THSD4: variants seen among roughly 807,000 people sequenced by gnomAD.
The protein encoded by THSD4 is thrombospondin type-1 domain-containing protein 4.
In THSD4, 69 loss-of-function variants were observed where a neutral mutation model predicts 119.0. That is an observed-to-expected ratio of 0.58 (90% CI 0.48 to 0.71). The LOEUF (loss-of-function observed/expected upper bound fraction) is 0.71, where lower values mean the gene tolerates loss of function less well. THSD4 is among the 30% of genes least tolerant of loss of function. The pLI is 0.00. For missense variants in THSD4, 1,393 were observed against 1,391.1 expected, an observed-to-expected ratio of 1.00 and a Z score of -0.02; for synonymous variants, 524 against 540.4, an observed-to-expected ratio of 0.97 and a Z score of 0.42.
At chr15:71,693,653 T>G (rs1457575916) in intron 8 of THSD4, among the ~76,000 whole-genome samples, 1 of 152,078 alleles carries the variant, frequency 6.6e-6, no homozygotes, top group African/African-American at 2.4e-5. Context: ...GAATTGTAGC[T>G]CCCATAATTC....
chr15:71,679,868 G>A (rs2051738237), intron 8 of THSD4, among the ~76,000 whole-genome samples: 1 of 152,222 alleles, frequency 6.6e-6, no homozygotes, highest in African/African-American at 2.4e-5. Flanking sequence ...GGCAGGGGAA[G>A]TGACTAATAA....
intron 7 of THSD4, among the ~76,000 whole-genome samples, chr15:71,424,918 A>C (rs1412947303): frequency 2.0e-5 from 3 of 152,174 alleles, no homozygotes; most frequent in African/African-American, 7.2e-5. Context: ...GGAAAAAAGA[A>C]ACCAAAACTA....
chr15:71,590,979 C>G (rs1595762806), intron 7 of THSD4, among the ~76,000 whole-genome samples: 2 of 115,330 alleles, frequency 1.7e-5, no homozygotes, highest in East Asian at 5.1e-4. Flanking sequence ...GCATTCCAGC[C>G]TGGGCGACAG....
At chr15:71,198,178 G>A (rs1383576241) in intron 3 of THSD4, among the ~76,000 whole-genome samples, 2 of 152,324 alleles carry the variant, frequency 1.3e-5, no homozygotes, top group Admixed American at 1.3e-4. Flanking sequence ...GGAGGATTGC[G>A]TGAGCCCAGG....
chr15:71,364,096 G>A lies in THSD4; in HGVS notation c.1016-47591G>A, dbSNP rs1026919120. ...CCTGTGGGAATACAAGGTGAAAAGA[G>A]ACGCCTTCACCAGAAGTAACCTAGT... On this transcript the variant is annotated intron_variant, in intron 6 of 17. Coordinates refer to ENST00000261862, the MANE Select transcript of THSD4 (RefSeq NM_024817.3). Among the ~76,000 whole-genome samples the A allele has an allele frequency of 2.0e-5, 3 of 152,344 alleles. No individual in the cohort carries two copies. The South Asian group carries it at 6.2e-4, about 32-fold the overall frequency.
intron 7 of THSD4, among the ~76,000 whole-genome samples, chr15:71,651,989 G>C (rs1020966727): frequency 6.6e-5 from 10 of 152,222 alleles, no homozygotes; most frequent in African/African-American, 2.2e-4. Flanking sequence ...GGTCCCGTGA[G>C]AGCCTTCTGG....
intron 7 of THSD4, among the ~76,000 whole-genome samples, chr15:71,579,705 C>G (rs1350406875): frequency 6.6e-6 from 1 of 152,064 alleles, no homozygotes; most frequent in Non-Finnish European, 1.5e-5. Flanking sequence ...GGTTTTATTT[C>G]CCATTTATAG....
At chr15:71,157,468 A>G (rs1306796445) in intron 3 of THSD4, among the ~76,000 whole-genome samples, 2 of 152,052 alleles carry the variant, frequency 1.3e-5, no homozygotes, top group African/African-American at 2.4e-5. Context: ...AGAACATTCA[A>G]AAGCCTCTCT....
chr15:71,334,758 GT>G (rs1204570611), intron 6 of THSD4, among the ~76,000 whole-genome samples: 1 of 152,208 alleles, frequency 6.6e-6, no homozygotes, highest in African/African-American at 2.4e-5. Flanking sequence ...AGCCTGATAT[GT>G]TTGTTGCAGG....
At chr15:71,536,628 C>T (rs7170295) in intron 7 of THSD4, among the ~76,000 whole-genome samples, 40,726 of 151,922 alleles carry the variant, frequency 0.27, 6,195 homozygotes, top group East Asian at 0.63. Context: ...TATGGTGTGC[C>T]ACATGATGTT....
intron 1 of THSD4, among the ~76,000 whole-genome samples, chr15:71,102,132 T>C (rs2040256264): frequency 6.6e-6 from 1 of 152,232 alleles, no homozygotes; most frequent in African/African-American, 2.4e-5. Context: ...AATGAGTCAT[T>C]TATCTTTGAT....
chr15:71,183,405 G>T (rs564599122), intron 3 of THSD4, among the ~76,000 whole-genome samples: 1 of 151,842 alleles, frequency 6.6e-6, no homozygotes, highest in South Asian at 2.1e-4. Flanking sequence ...AAGCCAGATT[G>T]CCTGGTTAAT....
chr15:71,676,384 C>G (rs756782102), intron 8 of THSD4, among the ~76,000 whole-genome samples: 1 of 152,020 alleles, frequency 6.6e-6, no homozygotes, highest in African/African-American at 2.4e-5. Context: ...CGGGTTCAAG[C>G]GATTCTCCTG....
In THSD4 at chr15:71,728,556, A is replaced by G. The variant is rs1224415539; in HGVS notation, c.1365A>G (p.Arg455=). ...TCTGATTTTTCTCAACAGCCCTGAG[A>G]AGTCGTTCTGGACGCTCCATCATCA... ...MYKSNNYLAL[R]SRSGRSIING... Residue 455 remains arginine, a synonymous_variant, in exon 9 of 18, where the codon AGA becomes AGG. Transcript: ENST00000261862. The G allele has an allele frequency of 6.2e-7, 1 of 1,613,992 alleles. No homozygotes were observed. The highest frequency in any genetic ancestry group is 8.5e-7 in the Non-Finnish European group (1 of 1,180,008).
intron 14 of THSD4, among the ~76,000 whole-genome samples, chr15:71,749,693 A>G (rs6494965): frequency 6.8e-6 from 1 of 147,376 alleles, no homozygotes; most frequent in Non-Finnish European, 1.5e-5. Context: ...TTATATTTTT[A>G]AATTTTTATT....
At chr15:71,353,024 C>G (rs2045763649) in intron 6 of THSD4, among the ~76,000 whole-genome samples, 1 of 152,170 alleles carries the variant, frequency 6.6e-6, no homozygotes, top group African/African-American at 2.4e-5. Flanking sequence ...TAAAGGCTTT[C>G]CAAGGACCTT....
chr15:71,646,129 A>G (rs2050964037), intron 7 of THSD4, among the ~76,000 whole-genome samples: 1 of 152,250 alleles, frequency 6.6e-6, no homozygotes, highest in Non-Finnish European at 1.5e-5. Flanking sequence ...GTGTGACCTC[A>G]GGCAAGTTAC....
intron 5 of THSD4, among the ~76,000 whole-genome samples, chr15:71,249,429 C>T (rs55967235): frequency 0.044 from 5,701 of 129,974 alleles, 282 homozygotes; most frequent in Middle Eastern, 0.067. Flanking sequence ...TATATATATA[C>T]ACACACATTT....
chr15:71,680,572 C>T (rs2051752285), intron 8 of THSD4, among the ~76,000 whole-genome samples: 1 of 152,206 alleles, frequency 6.6e-6, no homozygotes, highest in Non-Finnish European at 1.5e-5. Flanking sequence ...CCTTAACTTA[C>T]AAAATCGTGC....
Sources: allele counts gnomAD v4.1 joint callset (sites outside exome capture counted in the v4.1 genomes callset), GRCh38; gene constraint gnomAD v4.1.1; transcripts MANE v1.5; gene names NCBI Gene and HGNC (gene_info 2026-07-23, HGNC 2026-07-21).